The following ATAD2B variants were observed in gnomAD, a reference collection of about 807,000 sequenced individuals.
The protein encoded by ATAD2B is ATPase family AAA domain containing 2B.
ATAD2B carries 40 observed loss-of-function variants against 167.6 expected under a neutral mutation model. The ratio of observed to expected loss-of-function variants is 0.24; its 90% CI spans 0.19 to 0.31. ATAD2B has a LOEUF of 0.31. Among genes scored for constraint, ATAD2B ranks in the 10% least tolerant of loss-of-function variants. The pLI is 1.00. For synonymous variants in ATAD2B, 579 were observed against 596.5 expected, an observed-to-expected ratio of 0.97 and a Z score of 0.43; for missense variants, 1,242 against 1,757.2, an observed-to-expected ratio of 0.71 and a Z score of 5.24.
downstream of ATAD2B, among the ~76,000 whole-genome samples, chr2:23,745,407 AGGAAGGAAGGAAGGAAAGGGAAG>A (rs1674799204): frequency 9.5e-6 from 1 of 105,456 alleles, no homozygotes; most frequent in African/African-American, 3.6e-5. Flanking sequence ...GAAGGAAGGA[AGGAAGGAAGGAAGGAAAGGGAAG>A]GGAAGGGAAG....
At chr2:23,914,430 T>C (rs183035461) in intron 1 of ATAD2B, among the ~76,000 whole-genome samples, 18 of 152,224 alleles carry the variant, frequency 1.2e-4, no homozygotes, top group Non-Finnish European at 5.9e-5. Context: ...ACAGGCATTT[T>C]AGAGAGAAGG....
chr2:23,922,684 AGAGT>A (rs1228834272), intron 1 of ATAD2B, among the ~76,000 whole-genome samples: 1 of 141,562 alleles, frequency 7.1e-6, no homozygotes, highest in Non-Finnish European at 1.5e-5. Flanking sequence ...CCTGGGCATC[AGAGT>A]AAGACTCTGT....
chr2:23,913,588 C>T (rs1458683077), intron 1 of ATAD2B, among the ~76,000 whole-genome samples: 6 of 147,894 alleles, frequency 4.1e-5, no homozygotes, highest in South Asian at 4.3e-4. Flanking sequence ...TGCAGTGAGC[C>T]GAGATCATGC....
chr2:23,734,845 A>G, the ATAD2B span, among the ~76,000 whole-genome samples: 15 of 152,062 alleles, frequency 9.9e-5, no homozygotes, highest in Admixed American at 9.8e-4. Flanking sequence ...CAACTAAACC[A>G]TTATCATTGT....
At chr2:23,857,334 A>T in intron 13 of ATAD2B, 81 bp downstream of exon 13, 1 of 716,864 alleles carries the variant, frequency 1.4e-6, no homozygotes, top group Non-Finnish European at 2.2e-6. Flanking sequence ...TAAGCCTCAT[A>T]GCACTTAGCT....
At chr2:23,901,695 G>A (rs1270057717) in intron 1 of ATAD2B, among the ~76,000 whole-genome samples, 5 of 152,048 alleles carry the variant, frequency 3.3e-5, no homozygotes, top group African/African-American at 9.7e-5. Context: ...GAAACGATGA[G>A]GTCCAAGGCT....
At chr2:23,682,737 G>C in the ATAD2B span, among the ~76,000 whole-genome samples, 2 of 151,966 alleles carry the variant, frequency 1.3e-5, no homozygotes, top group South Asian at 2.1e-4. This position sits in a 1 kb window ranked among gnomAD's most constrained non-coding sequence, Gnocchi z 4.1. Context: ...GTTGGTCTCT[G>C]TCTGTAGCTC....
chr2:23,767,386 T>C (rs1474415157), intron 22 of ATAD2B, among the ~76,000 whole-genome samples: 1 of 152,098 alleles, frequency 6.6e-6, no homozygotes, highest in Non-Finnish European at 1.5e-5. Flanking sequence ...CCCTCCCTTG[T>C]CCAAGTGGGC....
chr2:23,834,119 C>A, intron 13 of ATAD2B, 41 bp from the exon 14 acceptor site: 1 of 865,976 alleles, frequency 1.2e-6, no homozygotes, highest in Non-Finnish European at 1.7e-6. Context: ...GAATTGTAAA[C>A]ACTGCTGCTT....
At chr2:23,832,322 G>A (rs1689186159) in intron 14 of ATAD2B, 1 of 401,304 alleles carries the variant, frequency 2.5e-6, no homozygotes, top group East Asian at 7.7e-5. Context: ...CACAGACCCA[G>A]GCTTGAGAAG....
intron 13 of ATAD2B, among the ~76,000 whole-genome samples, chr2:23,851,248 T>C (rs2149899298): frequency 6.6e-6 from 1 of 152,302 alleles, no homozygotes; most frequent in Non-Finnish European, 1.5e-5. Flanking sequence ...CAGGCTCAAG[T>C]GATCCTCTCA....
intron 4 of ATAD2B, among the ~76,000 whole-genome samples, chr2:23,886,785 G>A (rs1164917977): frequency 1.3e-5 from 2 of 151,860 alleles, no homozygotes; most frequent in Admixed American, 6.6e-5. Context: ...CAAAAAATTA[G>A]CCAGGCATGG....
the ATAD2B span, chr2:23,695,815 T>G: frequency 6.5e-7 from 1 of 1,548,480 alleles, no homozygotes; most frequent in Non-Finnish European, 8.7e-7. The surrounding 1 kb of genome is among the most constrained non-coding windows in gnomAD (Gnocchi z 7.6). Context: ...GCCGCGCCTC[T>G]CTGCAGGTAT....
the ATAD2B span, among the ~76,000 whole-genome samples, chr2:23,731,650 A>G: frequency 2.0e-5 from 3 of 152,372 alleles, no homozygotes; most frequent in Admixed American, 6.5e-5. Flanking sequence ...TATTTTTAAT[A>G]AATGTAACCC....
intron 23 of ATAD2B, among the ~76,000 whole-genome samples, chr2:23,763,130 AAC>A (rs1676960830): frequency 6.6e-6 from 1 of 152,170 alleles, no homozygotes; most frequent in African/African-American, 2.4e-5. Flanking sequence ...TACAAAACAA[AAC>A]AGTTTGTTCT....
intron 8 of ATAD2B, among the ~76,000 whole-genome samples, chr2:23,873,479 TACAC>T (rs1339074776): frequency 2.0e-5 from 3 of 152,238 alleles, no homozygotes; most frequent in Admixed American, 2.0e-4. Flanking sequence ...GCATATGGCC[TACAC>T]ACATCCTCCC....
downstream of ATAD2B, among the ~76,000 whole-genome samples, chr2:23,747,021 T>C (rs1272061706): frequency 6.6e-6 from 1 of 152,268 alleles, no homozygotes; most frequent in South Asian, 2.1e-4. Flanking sequence ...GCCTGATACA[T>C]GGTAGGCACT....
At chr2:23,702,379 T>C in the ATAD2B span, among the ~76,000 whole-genome samples, 1 of 152,204 alleles carries the variant, frequency 6.6e-6, no homozygotes, top group Admixed American at 6.5e-5. Context: ...AAATGTCAGA[T>C]ATCTCATGGA....
At chr2:23,845,809 G>A (rs1048358333) in intron 13 of ATAD2B, among the ~76,000 whole-genome samples, 2 of 148,262 alleles carry the variant, frequency 1.3e-5, no homozygotes, top group South Asian at 2.2e-4. Flanking sequence ...CAAATTCCTG[G>A]GCTCAAGCGA....
Sources: allele counts gnomAD v4.1 joint callset (sites outside exome capture counted in the v4.1 genomes callset), GRCh38; gene constraint gnomAD v4.1.1; non-coding constraint Gnocchi (gnomAD v3.1); transcripts MANE v1.5; gene names NCBI Gene and HGNC (gene_info 2026-07-23, HGNC 2026-07-21).